SHISA6: variants seen among roughly 807,000 people sequenced by gnomAD.
SHISA6 encodes shisa family member 6.
A neutral mutation model predicts 47.9 loss-of-function variants in SHISA6; 22 were observed. The ratio of observed to expected loss-of-function variants is 0.46; its 90% confidence interval spans 0.33 to 0.66. The LOEUF (loss-of-function observed/expected upper bound fraction) is 0.66. SHISA6 is among the 30% of genes least tolerant of loss of function. The pLI is 0.02. For missense variants in SHISA6, 680 were observed against 764.6 expected, an observed-to-expected ratio of 0.89 and a Z score of 1.30; for synonymous variants, 388 against 337.8, an observed-to-expected ratio of 1.15 and a Z score of -1.63.
intron 3 of SHISA6, among the ~76,000 whole-genome samples, chr17:11,476,067 G>A (rs141790050): frequency 1.3e-5 from 2 of 152,024 alleles, no homozygotes; most frequent in Non-Finnish European, 2.9e-5. Context: ...ATAATTTGTG[G>A]GCATAGAGTT....
At chr17:11,357,013 A>G (rs555168023) in intron 2 of SHISA6, among the ~76,000 whole-genome samples, 1 of 152,010 alleles carries the variant, frequency 6.6e-6, no homozygotes, top group South Asian at 2.1e-4. Flanking sequence ...TGTACTTAAA[A>G]TACAACAACA....
In SHISA6 at chr17:11,241,612, G is replaced by T; in HGVS notation, c.190G>T (p.Ala64Ser). 1 of 1,310,590 alleles carries T rather than the reference G, an allele frequency of 7.6e-7. No individual in the cohort carries two copies. The highest frequency in any genetic ancestry group is 4.2e-5 in the Admixed American group (1 of 23,880). 81.2% of individuals were successfully genotyped at this position (1,310,590 alleles called of 1,614,324 possible). ...CCGCGAGCTGAACGGCACCGCCCGG[G>T]CGCCCGGAATCCCGGAGGCGGGAAG... is the stretch of plus-strand genomic sequence containing the variant. ...GGRELNGTAR[A>S]PGIPEAGSRR... The change falls in exon 1 of 6, where the codon GCG becomes TCG. Residue 64 changes from alanine to serine, a missense_variant. This residue lies in a region of SHISA6 where 121 missense variants were observed against 90.5 expected (regional missense o/e 1.34). Transcript: ENST00000441885. This position sits in a 1 kb window ranked among gnomAD's most constrained non-coding sequence, Gnocchi z 5.5.
chr17:11,307,524 A>G (rs1392745723), intron 2 of SHISA6, among the ~76,000 whole-genome samples: 2 of 152,150 alleles, frequency 1.3e-5, no homozygotes, highest in Non-Finnish European at 2.9e-5. Context: ...CAGTACTCTT[A>G]TTCATCTTTC....
rs545353484 is a variant in SHISA6 at position 11,405,291 on chromosome 17, T to C, written c.895+25782T>C. On this transcript the variant is annotated intron_variant, in intron 3 of 5. Transcript: ENST00000441885. The stretch of plus-strand genomic sequence containing the variant: ...GTAGGTCTAGGGTGCCCCTGAGATG[T>C]AGCATTTCTAACAAACCCCTGGGGC... Among the ~76,000 whole-genome samples the C allele has an allele frequency of 1.2e-4, 18 of 152,248 alleles. No individual in the cohort carries two copies. The East Asian group carries it at 2.5e-3, about 21-fold the overall frequency.
At chr17:11,524,207 C>T (rs553756322) in intron 3 of SHISA6, among the ~76,000 whole-genome samples, 4 of 152,218 alleles carry the variant, frequency 2.6e-5, no homozygotes, top group Non-Finnish European at 4.4e-5. Context: ...AAAGGGACTG[C>T]ACCCCACTTC....
chr17:11,379,375 C>A, intron 2 of SHISA6, 39 bp from the exon 3 acceptor site: 1 of 1,418,646 alleles, frequency 7.0e-7, no homozygotes, highest in Non-Finnish European at 9.6e-7. Context: ...ATGTTGGTGT[C>A]GTGGATGCGC....
intron 3 of SHISA6, among the ~76,000 whole-genome samples, chr17:11,397,794 T>C (rs185678734): frequency 4.1e-4 from 63 of 152,278 alleles, no homozygotes; most frequent in African/African-American, 1.4e-3. Context: ...TTGGTTTTGC[T>C]AGGACATCAG....
chr17:11,405,872 G>A (rs1015485944), intron 3 of SHISA6, among the ~76,000 whole-genome samples: 5 of 151,912 alleles, frequency 3.3e-5, no homozygotes, highest in Non-Finnish European at 5.9e-5. Flanking sequence ...CACCAGAGTC[G>A]GTCTGTGATT....
chr17:11,424,809 C>T (rs557965653), intron 3 of SHISA6, among the ~76,000 whole-genome samples: 3 of 152,016 alleles, frequency 2.0e-5, no homozygotes, highest in East Asian at 3.9e-4. Flanking sequence ...GGAAACTAGC[C>T]TGGCTAACAT....
intron 2 of SHISA6, among the ~76,000 whole-genome samples, chr17:11,353,781 T>C (rs1911983192): frequency 6.6e-6 from 1 of 152,212 alleles, no homozygotes; most frequent in Admixed American, 6.5e-5. Context: ...TGCTGTGAAA[T>C]GGAAGACATC....
intron 3 of SHISA6, among the ~76,000 whole-genome samples, chr17:11,510,649 G>A (rs865912591): frequency 2.1e-4 from 32 of 152,262 alleles, no homozygotes; most frequent in Middle Eastern, 3.4e-3. Context: ...TCTGTGGCAT[G>A]GTAGAAACAG....
Position 11,540,927 on chromosome 17 carries a change from G to A in SHISA6, c.896-10969G>A, listed in dbSNP as rs751280442. 3.9e-5 allele frequency among the ~76,000 whole-genome samples: 6 copies of A among 152,142 alleles called. 1 individual carries two copies. Among genetic ancestry groups the A allele is most frequent in the South Asian group, 2.1e-4 (1 of 4,822 alleles). ...CAAACCTTCTTGGAGTGTCTTCTGC[G>A]GAGCACAGAGAGACTTTGTAAATAG... On this transcript the variant is annotated intron_variant, in intron 3 of 5. Coordinates refer to ENST00000441885, the MANE Select transcript of SHISA6 (RefSeq NM_207386.4).
intron 2 of SHISA6, among the ~76,000 whole-genome samples, chr17:11,275,853 A>T (rs939972073): frequency 4.6e-5 from 7 of 151,996 alleles, no homozygotes; most frequent in Admixed American, 6.5e-5. Context: ...GTCACACTAC[A>T]TCTTGAGTTT....
intron 2 of SHISA6, among the ~76,000 whole-genome samples, chr17:11,276,570 T>G (rs1908899819): frequency 6.6e-6 from 1 of 152,142 alleles, no homozygotes; most frequent in African/African-American, 2.4e-5. Flanking sequence ...CTCCCTCTCC[T>G]TTTCCTTAAC....
chr17:11,309,701 C>T (rs1251272484), intron 2 of SHISA6, among the ~76,000 whole-genome samples: 4 of 152,182 alleles, frequency 2.6e-5, no homozygotes, highest in Non-Finnish European at 4.4e-5. Flanking sequence ...AATAGATGTT[C>T]CCTATGCAAG....
chr17:11,557,517 C>T (rs913197237), intron 5 of SHISA6, among the ~76,000 whole-genome samples: 7 of 152,170 alleles, frequency 4.6e-5, no homozygotes, highest in African/African-American at 1.7e-4. Flanking sequence ...TTGGGCCCAC[C>T]CCAGACCCAC....
chr17:11,280,006 A>C (rs1215910900), intron 2 of SHISA6, among the ~76,000 whole-genome samples: 1 of 152,174 alleles, frequency 6.6e-6, no homozygotes, highest in East Asian at 1.9e-4. Context: ...TGTGGGCTCG[A>C]GTGAGTCAAA....
chr17:11,282,537 A>G (rs1020791029), intron 2 of SHISA6, among the ~76,000 whole-genome samples: 16 of 151,980 alleles, frequency 1.1e-4, no homozygotes, highest in Admixed American at 6.6e-5. Flanking sequence ...TCCTAATGCT[A>G]TCCCTCCCCC....
At chr17:11,317,445 C>A (rs1910561391) in intron 2 of SHISA6, among the ~76,000 whole-genome samples, 1 of 151,402 alleles carries the variant, frequency 6.6e-6, no homozygotes, top group African/African-American at 2.4e-5. Flanking sequence ...TATAGTTTAT[C>A]TTTGTTCAGC....
Sources: gnomAD v4.1 joint callset for allele counts (sites outside exome capture counted in the v4.1 genomes callset) on GRCh38, gnomAD v4.1.1 for gene constraint, gnomAD v4.1.1 regional missense constraint, Gnocchi (gnomAD v3.1) non-coding constraint, MANE v1.5 for transcripts, NCBI Gene and HGNC (gene_info 2026-07-23, HGNC 2026-07-21) for gene names.